The following CBX5 variants were observed in gnomAD, a reference collection of about 807,000 sequenced individuals.
CBX5 encodes the protein chromobox protein homolog 5.
A neutral mutation model predicts 20.7 loss-of-function variants in CBX5; 7 were observed. That is an observed-to-expected ratio of 0.34 (90% CI 0.19 to 0.63). The LOEUF (loss-of-function observed/expected upper bound fraction) is 0.63, where lower values mean the gene tolerates loss of function less well. CBX5 is among the 30% of genes least tolerant of loss of function. The pLI is 0.75. For missense variants in CBX5, 110 were observed against 224.1 expected, an observed-to-expected ratio of 0.49 and a Z score of 3.25; for synonymous variants, 78 against 77.0, an observed-to-expected ratio of 1.01 and a Z score of -0.07.
At chr12:54,251,919 C>T (rs1943808496) in intron 3 of CBX5, 122 bp downstream of exon 3, 3 of 825,120 alleles carry the variant, frequency 3.6e-6, no homozygotes, top group East Asian at 6.1e-5. Flanking sequence ...CTCTTTTGTT[C>T]AACAATTTAC....
intron 3 of CBX5, among the ~76,000 whole-genome samples, chr12:54,248,289 CA>C (rs1312919133): frequency 1.3e-5 from 2 of 152,196 alleles, no homozygotes; most frequent in African/African-American, 4.8e-5. Flanking sequence ...GCACCCGGCC[CA>C]AACTAGGTAA....
intron 1 of CBX5, chr12:54,271,854 T>C (rs951456299): frequency 6.6e-6 from 1 of 152,236 alleles, no homozygotes; most frequent in African/African-American, 2.4e-5. Flanking sequence ...GTTAAAAAAA[T>C]TTTAATGAAT....
intron 1 of CBX5, chr12:54,272,259 C>T (rs372847744): frequency 2.3e-4 from 35 of 152,220 alleles, no homozygotes; most frequent in African/African-American, 7.9e-4. Flanking sequence ...CTCCTCTCCA[C>T]AGAAGAAATA....
rs73321087 is a variant in CBX5 at position 54,277,833 on chromosome 12, T to C, written c.-43+2175A>G. On this transcript the variant is annotated intron_variant, in intron 1 of 4. Transcript: ENST00000209875. Reference sequence around the variant, plus strand: ...ATTTTGAAAAAATAATAAACTCTAGTGTTCTATTTTTATTTTTTTAGCAAT... The same window carrying C: ...ATTTTGAAAAAATAATAAACTCTAGCGTTCTATTTTTATTTTTTTAGCAAT... 6.5e-3 allele frequency among the ~76,000 whole-genome samples: 984 copies of C among 152,192 alleles called. 12 individuals are homozygous for C. Among genetic ancestry groups the C allele is most frequent in the East Asian group, 0.03 (153 of 5,184 alleles).
chr12:54,266,546 A>G (rs1354942523), intron 1 of CBX5, among the ~76,000 whole-genome samples: 1 of 152,234 alleles, frequency 6.6e-6, no homozygotes, highest in Admixed American at 6.5e-5. Flanking sequence ...AAACATAGTG[A>G]GACCTCCGCA....
intron 4 of CBX5, among the ~76,000 whole-genome samples, chr12:54,245,590 G>A (rs1943726840): frequency 6.6e-6 from 1 of 151,780 alleles, no homozygotes; most frequent in African/African-American, 2.4e-5. Context: ...TCGGGAGTTT[G>A]AGACCAGCCT....
At chr12:54,243,365 C>T (rs776957350) in intron 4 of CBX5, among the ~76,000 whole-genome samples, 2 of 151,956 alleles carry the variant, frequency 1.3e-5, no homozygotes, top group East Asian at 1.9e-4. Context: ...CACTTGAGCC[C>T]GGGGCAACAT....
At position 54,246,208 on chromosome 12, in the gene CBX5, T is replaced by C. The variant is rs1360553149; in HGVS notation, c.332A>G (p.Asn111Ser). Residue 111 changes from asparagine (N) to serine (S), a missense_variant, in exon 4 of 5, where the codon AAT (asparagine) becomes AGT (serine). Coordinates refer to ENST00000209875, the MANE Select transcript of CBX5 (RefSeq NM_012117.3). ...IKSKKKREQS[N>S]DIARGFERGL... is the part of the protein sequence containing the mutation. ...TCTCTCAAAGCCCCGAGCGATATCA[T>C]TGCTCTGCTATAAATAGAAGATAAA... The C allele has an allele frequency of 1.2e-6, 2 of 1,610,686 alleles. No homozygotes were observed. The highest frequency in any genetic ancestry group is 1.7e-6 in the Non-Finnish European group (2 of 1,176,958).
Position 54,239,985 on chromosome 12 carries a change from T to C in CBX5, c.*1770A>G, listed in dbSNP as rs1244015013. 1 of 152,222 alleles carries C rather than the reference T, an allele frequency of 6.6e-6. No homozygotes were observed. The highest frequency in any genetic ancestry group is 2.4e-5 in the African/African-American group (1 of 41,454). The allele number at this position is 152,222 out of a possible 1,614,324, so 9.4% of individuals were successfully genotyped here. A position where few individuals can be genotyped will look rare whatever the true frequency, so the allele number is the denominator to read the frequency against. On this transcript the variant is annotated 3_prime_UTR_variant, in exon 5 of 5. Coordinates refer to ENST00000209875, the MANE Select transcript of CBX5 (RefSeq NM_012117.3). ...ATTCCCCTCATTACTCTGAATAATC[T>C]AGAAATGGTAGATGCTCCTGGCCAG...
chr12:54,271,498 G>T (rs1010375521), intron 1 of CBX5, among the ~76,000 whole-genome samples: 1 of 152,002 alleles, frequency 6.6e-6, no homozygotes, highest in Non-Finnish European at 1.5e-5. Flanking sequence ...GATAATTTTT[G>T]TATTTTTAGT....
rs1295456030 is a variant in CBX5 at position 54,233,069 on chromosome 12, A to G, written c.*8686T>C. 2 of 152,056 alleles carry G rather than the reference A, an allele frequency of 1.3e-5. No individual in the cohort carries two copies. Among genetic ancestry groups the G allele is most frequent in the Admixed American group, 6.6e-5 (1 of 15,252 alleles). 9.4% of individuals were successfully genotyped at this position (152,056 alleles called of 1,614,324 possible). A position where few individuals can be genotyped will look rare whatever the true frequency, so the allele number is the denominator to read the frequency against. On this transcript the variant is annotated 3_prime_UTR_variant, in exon 5 of 5. Coordinates refer to ENST00000209875, the MANE Select transcript of CBX5 (RefSeq NM_012117.3). ...ACTACATCACATCCCTCCCCACAATACCCAGAGGGCTGCATTTTTCCAACC... is the reference window on the plus strand; with the variant it reads ...ACTACATCACATCCCTCCCCACAATGCCCAGAGGGCTGCATTTTTCCAACC...
intron 1 of CBX5, chr12:54,271,707 G>A (rs1944012205): frequency 6.6e-6 from 1 of 152,170 alleles, no homozygotes; most frequent in Non-Finnish European, 1.5e-5. Context: ...ATGTCCGCTT[G>A]ATGAATTTAT....
intron 1 of CBX5, among the ~76,000 whole-genome samples, chr12:54,271,679 A>G (rs1484615884): frequency 6.6e-6 from 1 of 152,224 alleles, no homozygotes; most frequent in Admixed American, 6.5e-5. Context: ...ATTAGCTTTT[A>G]GGACATTTAG....
intron 1 of CBX5, among the ~76,000 whole-genome samples, chr12:54,264,614 G>T (rs1943941896): frequency 6.6e-6 from 1 of 152,118 alleles, no homozygotes; most frequent in South Asian, 2.1e-4. Context: ...AGGCCAAGGT[G>T]GGTGGATCAC....
In CBX5 at chr12:54,234,564, CTGA is replaced by C. The variant is rs1167594635; in HGVS notation, c.*7188_*7190del. On this transcript the variant is annotated 3_prime_UTR_variant, in exon 5 of 5. Transcript: ENST00000209875. ...TTCCTATTAGATTTTCCGATTAATA[CTGA>C]TGGCTCTTACCTAGGCTGTGATAAT... is the stretch of plus-strand genomic sequence containing the variant. 1 of 152,232 alleles carries C rather than the reference CTGA, an allele frequency of 6.6e-6. No individual in the cohort carries two copies. Among genetic ancestry groups the C allele is most frequent in the African/African-American group, 2.4e-5 (1 of 41,454 alleles). 9.4% of individuals were successfully genotyped at this position (152,232 alleles called of 1,614,324 possible).
chr12:54,253,718 A>C (rs1047617026), intron 2 of CBX5, among the ~76,000 whole-genome samples: 9 of 127,282 alleles, frequency 7.1e-5, no homozygotes, highest in African/African-American at 3.0e-4. Context: ...ACAGAGTGAG[A>C]TACCATCTCA....
intron 1 of CBX5, among the ~76,000 whole-genome samples, chr12:54,260,559 G>A (rs1397854900): frequency 6.6e-6 from 1 of 151,394 alleles, no homozygotes; most frequent in Non-Finnish European, 1.5e-5. Context: ...AAAAAAAGAG[G>A]AGAGCAGTTC....
At chr12:54,264,394 C>T (rs901628079) in intron 1 of CBX5, among the ~76,000 whole-genome samples, 14 of 152,186 alleles carry the variant, frequency 9.2e-5, no homozygotes, top group African/African-American at 2.9e-4. Flanking sequence ...TGGGCTGAAG[C>T]AATCCTCCTG....
At position 54,241,498 on chromosome 12, in the gene CBX5, C is replaced by G. The variant is rs1943675873; in HGVS notation, c.*257G>C. 1 of 371,918 alleles carries G rather than the reference C, an allele frequency of 2.7e-6. No homozygotes were observed. The highest frequency in any genetic ancestry group is 6.4e-5 in the South Asian group (1 of 15,628). The allele number at this position is 371,918 out of a possible 1,614,324, so 23.0% of individuals were successfully genotyped here. A position where few individuals can be genotyped will look rare whatever the true frequency, so the allele number is the denominator to read the frequency against. On this transcript the variant is annotated 3_prime_UTR_variant, in exon 5 of 5. Coordinates refer to ENST00000209875, the MANE Select transcript of CBX5 (RefSeq NM_012117.3). ...TCACAGGGAAGCAGAAGGAAGAGAT[C>G]AGGGCAAAGGAAAAAAAAATTGTGG...
Sources: gnomAD v4.1 joint callset for allele counts (sites outside exome capture counted in the v4.1 genomes callset) on GRCh38, gnomAD v4.1.1 for gene constraint, MANE v1.5 for transcripts, NCBI Gene and HGNC (gene_info 2026-07-23, HGNC 2026-07-21) for gene names.